The following DPYD variants were observed in gnomAD, a reference collection of about 807,000 sequenced individuals.
DPYD encodes dihydropyrimidine dehydrogenase [NADP(+)].
In DPYD, 109 loss-of-function variants were observed where a neutral mutation model predicts 116.2. That is an observed-to-expected ratio of 0.94 (90% CI 0.80 to 1.10). DPYD has a LOEUF of 1.10. Ranked by LOEUF, DPYD falls within the 50% of genes least tolerant of loss-of-function variation. The pLI is 0.00. For synonymous variants in DPYD, 440 were observed against 432.0 expected, an observed-to-expected ratio of 1.02 and a Z score of -0.23; for missense variants, 1,302 against 1,254.5, an observed-to-expected ratio of 1.04 and a Z score of -0.57.
At chr1:97,431,281 T>C (rs1338194926) in intron 14 of DPYD, among the ~76,000 whole-genome samples, 5 of 151,936 alleles carry the variant, frequency 3.3e-5, no homozygotes, top group African/African-American at 9.7e-5. Context: ...AGAAAAAAAA[T>C]GAACAATTTA....
At chr1:97,340,687 G>T (rs1005828257) in intron 16 of DPYD, among the ~76,000 whole-genome samples, 1 of 151,846 alleles carries the variant, frequency 6.6e-6, no homozygotes, top group African/African-American at 2.4e-5. Context: ...AAAAATAAAA[G>T]AAAATAAAAA....
At chr1:97,100,608 C>A (rs1650600155) in intron 20 of DPYD, among the ~76,000 whole-genome samples, 1 of 152,174 alleles carries the variant, frequency 6.6e-6, no homozygotes, top group African/African-American at 2.4e-5. Context: ...CATCTAATTT[C>A]ACCTAAGAGT....
At chr1:97,429,458 C>CT (rs1367010530) in intron 14 of DPYD, among the ~76,000 whole-genome samples, 2 of 151,842 alleles carry the variant, frequency 1.3e-5, no homozygotes, top group Non-Finnish European at 2.9e-5. Context: ...TCTCTTTATT[C>CT]TTTTTTTGGA....
chr1:97,537,992 G>A lies in DPYD; in HGVS notation c.1524+11568C>T, dbSNP rs531537281. Among the ~76,000 whole-genome samples, 52 of 152,052 alleles carry A rather than the reference G, an allele frequency of 3.4e-4. 2 individuals carry two copies. The highest frequency in any genetic ancestry group is 1.0e-3 in the African/African-American group (43 of 41,462). ...TGAGGCCAGAGAATCGCTTGAACCC[G>A]GGAGGCGGAGGTTGCAGTGAGCCAA... On this transcript the variant is annotated intron_variant, in intron 12 of 22. Transcript: ENST00000370192.
At chr1:97,885,961 ACCTC>A (rs10617327) in intron 1 of DPYD, among the ~76,000 whole-genome samples, 109,777 of 151,360 alleles carry the variant, frequency 0.73, 40,424 homozygotes, top group East Asian at 0.93. Context: ...TTAAGAGGTC[ACCTC>A]TGGAATGGTA....
chr1:97,284,071 T>C (rs183806646), intron 18 of DPYD, among the ~76,000 whole-genome samples: 1 of 152,298 alleles, frequency 6.6e-6, no homozygotes. Flanking sequence ...TTCTGAGATT[T>C]AAATTAACTC....
chr1:97,397,861 C>A (rs901697659), intron 14 of DPYD, among the ~76,000 whole-genome samples: 3 of 151,904 alleles, frequency 2.0e-5, no homozygotes, highest in Admixed American at 6.6e-5. Flanking sequence ...GTTTTCAACT[C>A]CTTTGGGTTA....
chr1:97,402,402 C>A (rs1673426407), intron 14 of DPYD, among the ~76,000 whole-genome samples: 3 of 151,998 alleles, frequency 2.0e-5, no homozygotes, highest in Admixed American at 2.0e-4. Flanking sequence ...TATTATGTTT[C>A]TTTTAACTTC....
intron 20 of DPYD, among the ~76,000 whole-genome samples, chr1:97,120,862 T>C (rs1309441027): frequency 6.6e-6 from 1 of 152,216 alleles, no homozygotes; most frequent in Non-Finnish European, 1.5e-5. Context: ...TTGCTAAAGA[T>C]GTTTGTGAAA....
intron 5 of DPYD, among the ~76,000 whole-genome samples, chr1:97,702,797 C>T (rs1029942082): frequency 6.6e-6 from 1 of 151,928 alleles, no homozygotes; most frequent in Non-Finnish European, 1.5e-5. Context: ...TATGTATTTT[C>T]ACCTAAAATA....
chr1:97,287,447 C>T (rs573487195), intron 18 of DPYD, among the ~76,000 whole-genome samples: 1 of 152,268 alleles, frequency 6.6e-6, no homozygotes, highest in Non-Finnish European at 1.5e-5. Flanking sequence ...AGAACCACTG[C>T]TCTCTTCAAA....
At chr1:97,410,618 C>A (rs1022409745) in intron 14 of DPYD, among the ~76,000 whole-genome samples, 6 of 152,058 alleles carry the variant, frequency 3.9e-5, no homozygotes, top group Admixed American at 3.9e-4. Flanking sequence ...AAAGCATCAT[C>A]TTTATATGCT....
At chr1:97,624,919 T>C (rs1571081120) in intron 8 of DPYD, among the ~76,000 whole-genome samples, 1 of 151,998 alleles carries the variant, frequency 6.6e-6, no homozygotes, top group South Asian at 2.1e-4. Flanking sequence ...ATTAAACTCA[T>C]AGATGCAAAG....
rs61622928 is a variant in DPYD at position 97,573,881 on chromosome 1, C to T, written c.1218G>A (p.Met406Ile). 3.9e-3 allele frequency: 6,339 copies of T among 1,613,662 alleles called. 185 individuals carry two copies. In the African/African-American group the frequency reaches 0.071, roughly 18 times the overall value. Residue 406 changes from methionine (M) to isoleucine (I), a missense_variant, in exon 11 of 23, where the codon ATG becomes ATA. Met to Ile is a conservative substitution (Grantham distance 10). Coordinates refer to ENST00000370192, the MANE Select transcript of DPYD (RefSeq NM_000110.4). ...VIVKGGRIVA[M>I]QFVRTEQDET... is the part of the protein sequence containing the mutation. ...CATCTTGCTCTGTCCGAACAAACTG[C>T]ATAGCAACAATTCTCCCACCTTTTA...
At chr1:97,458,405 T>C (rs1203477425) in intron 13 of DPYD, among the ~76,000 whole-genome samples, 3 of 152,138 alleles carry the variant, frequency 2.0e-5, no homozygotes, top group Non-Finnish European at 4.4e-5. Flanking sequence ...GGACAGGATA[T>C]GATTTTTTCT....
intron 18 of DPYD, among the ~76,000 whole-genome samples, chr1:97,292,265 G>A (rs779598327): frequency 2.2e-4 from 33 of 152,118 alleles, no homozygotes; most frequent in Non-Finnish European, 3.5e-4. Context: ...AGGCATACCC[G>A]AGACTGGGTA....
intron 13 of DPYD, among the ~76,000 whole-genome samples, chr1:97,484,234 G>T (rs1332605959): frequency 3.3e-5 from 5 of 152,196 alleles, no homozygotes; most frequent in African/African-American, 1.2e-4. Flanking sequence ...AAGCCGGGAG[G>T]TGGAGGTTGC....
intron 13 of DPYD, among the ~76,000 whole-genome samples, chr1:97,486,872 C>T (rs977519821): frequency 2.0e-5 from 3 of 151,622 alleles, no homozygotes; most frequent in Admixed American, 6.6e-5. Context: ...GAATTTCTCT[C>T]CATAAGTTAT....
chr1:97,247,472 C>A (rs997732646), intron 18 of DPYD, among the ~76,000 whole-genome samples: 1 of 152,086 alleles, frequency 6.6e-6, no homozygotes, highest in East Asian at 1.9e-4. Flanking sequence ...CCCTGAGACC[C>A]CTGATGTTTC....
Sources: gnomAD v4.1 joint callset for allele counts (sites outside exome capture counted in the v4.1 genomes callset) on GRCh38, gnomAD v4.1.1 for gene constraint, MANE v1.5 for transcripts, NCBI Gene and HGNC (gene_info 2026-07-23, HGNC 2026-07-21) for gene names.